TAFA1: variants seen among roughly 807,000 people sequenced by gnomAD.
TAFA1 encodes the protein TAFA chemokine like family member 1, also known as chemokine-like protein TAFA-1.
In TAFA1, 4 loss-of-function variants were observed where a neutral mutation model predicts 18.5. That is an observed-to-expected ratio of 0.22 (90% CI 0.11 to 0.49). The LOEUF (loss-of-function observed/expected upper bound fraction) is 0.49, where lower values mean the gene tolerates loss of function less well. Ranked by LOEUF, TAFA1 falls within the 20% of genes least tolerant of loss-of-function variation. The probability of loss-of-function intolerance (pLI) is 0.98; values close to 1 mark genes in which losing one functional copy is unlikely to be tolerated. For synonymous variants in TAFA1, 56 were observed against 55.2 expected (o/e 1.01, Z -0.06); for missense variants, 147 against 169.0 (o/e 0.87, Z 0.72).
intron 2 of TAFA1, among the ~76,000 whole-genome samples, chr3:68,131,520 C>T (rs979268615): frequency 6.6e-6 from 1 of 152,224 alleles, no homozygotes; most frequent in African/African-American, 2.4e-5. Flanking sequence ...CTTCTTCAAA[C>T]TGCTACTGTC....
intron 2 of TAFA1, among the ~76,000 whole-genome samples, chr3:68,294,971 C>A (rs79523466): frequency 3.6e-4 from 55 of 152,262 alleles, no homozygotes; most frequent in African/African-American, 1.3e-3. Context: ...TAGGCAGCAC[C>A]GGTTCACAGG....
intron 2 of TAFA1, among the ~76,000 whole-genome samples, chr3:68,376,050 T>G (rs1421925965): frequency 6.6e-6 from 1 of 152,188 alleles, no homozygotes; most frequent in Non-Finnish European, 1.5e-5. Flanking sequence ...TTGTTTGTCT[T>G]TGCACTAGTA....
chr3:68,107,023 G>T (rs2106828529), intron 2 of TAFA1, among the ~76,000 whole-genome samples: 1 of 152,222 alleles, frequency 6.6e-6, no homozygotes, highest in Middle Eastern at 3.4e-3. Flanking sequence ...CAGTTTGGCA[G>T]TTTCTTATAA....
intron 3 of TAFA1, among the ~76,000 whole-genome samples, chr3:68,495,271 T>G (rs2072524573): frequency 6.6e-6 from 1 of 152,194 alleles, no homozygotes; most frequent in Admixed American, 6.5e-5. Flanking sequence ...TTTAATTAAA[T>G]ATTATATAAA....
chr3:68,528,985 A>G (rs2073147464), intron 3 of TAFA1, among the ~76,000 whole-genome samples: 1 of 151,898 alleles, frequency 6.6e-6, no homozygotes, highest in Admixed American at 6.6e-5. Context: ...TTCTCATGTA[A>G]TCCTCACAAC....
chr3:68,453,170 T>C (rs1351029149), intron 3 of TAFA1, among the ~76,000 whole-genome samples: 1 of 152,218 alleles, frequency 6.6e-6, no homozygotes, highest in African/African-American at 2.4e-5. Context: ...TTTTTAAGAA[T>C]GATGGGGTTT....
At chr3:68,329,650 C>G (rs1057349406) in intron 2 of TAFA1, among the ~76,000 whole-genome samples, 1 of 152,116 alleles carries the variant, frequency 6.6e-6, no homozygotes, top group Non-Finnish European at 1.5e-5. Flanking sequence ...TGACCATTGG[C>G]TTTCTACAAG....
chr3:68,485,759 C>G (rs1026288194), intron 3 of TAFA1, among the ~76,000 whole-genome samples: 8 of 152,174 alleles, frequency 5.3e-5, no homozygotes, highest in Non-Finnish European at 1.2e-4. Context: ...GCACCTTGAA[C>G]TATAATTTCT....
At chr3:68,513,073 G>A (rs887798513) in intron 3 of TAFA1, among the ~76,000 whole-genome samples, 4 of 152,084 alleles carry the variant, frequency 2.6e-5, no homozygotes, top group African/African-American at 9.7e-5. Flanking sequence ...ATTATCTGGA[G>A]TTCTCACCAA....
chr3:68,205,817 T>C (rs939472414), intron 2 of TAFA1, among the ~76,000 whole-genome samples: 3 of 151,814 alleles, frequency 2.0e-5, no homozygotes, highest in African/African-American at 7.2e-5. Flanking sequence ...TGAAAATATA[T>C]TAGGTAGCAA....
At chr3:68,455,748 A>T (rs997565469) in intron 3 of TAFA1, among the ~76,000 whole-genome samples, 3 of 152,114 alleles carry the variant, frequency 2.0e-5, no homozygotes, top group Non-Finnish European at 4.4e-5. Flanking sequence ...ATCTGGATAC[A>T]TTATACATTC....
chr3:68,483,951 G>A (rs1327098216), intron 3 of TAFA1, among the ~76,000 whole-genome samples: 1 of 152,188 alleles, frequency 6.6e-6, no homozygotes, highest in Non-Finnish European at 1.5e-5. Context: ...TTTTAAGCTA[G>A]GGAGAAACAC....
intron 3 of TAFA1, among the ~76,000 whole-genome samples, chr3:68,447,133 T>C (rs2071483926): frequency 6.6e-6 from 1 of 152,198 alleles, no homozygotes; most frequent in Non-Finnish European, 1.5e-5. Context: ...AAAAGTGAGC[T>C]AGCATTTGTT....
chr3:68,424,280 G>A (rs1420793762), intron 3 of TAFA1, among the ~76,000 whole-genome samples: 3 of 151,884 alleles, frequency 2.0e-5, no homozygotes, highest in Non-Finnish European at 4.4e-5. Context: ...AGACAGACCA[G>A]ACAGTGAGAG....
chr3:68,320,335 C>T (rs1015760022), intron 2 of TAFA1, among the ~76,000 whole-genome samples: 1 of 152,172 alleles, frequency 6.6e-6, no homozygotes, highest in Non-Finnish European at 1.5e-5. Flanking sequence ...CAGATATACT[C>T]ATCATCATTG....
At chr3:68,339,262 A>T (rs996581901) in intron 2 of TAFA1, among the ~76,000 whole-genome samples, 8 of 152,072 alleles carry the variant, frequency 5.3e-5, no homozygotes, top group Non-Finnish European at 7.4e-5. Flanking sequence ...AAAGAACTGA[A>T]TTTTTCTACA....
intron 3 of TAFA1, among the ~76,000 whole-genome samples, chr3:68,466,455 A>T (rs1160151188): frequency 6.6e-6 from 1 of 152,114 alleles, no homozygotes; most frequent in Non-Finnish European, 1.5e-5. Context: ...AATTATAGCA[A>T]TACTAAAATG....
chr3:68,450,516 G>A (rs2071552968), intron 3 of TAFA1, among the ~76,000 whole-genome samples: 1 of 152,170 alleles, frequency 6.6e-6, no homozygotes, highest in Admixed American at 6.5e-5. Context: ...AATGGCTCAT[G>A]GGCAGGTGCC....
At chr3:68,038,394 G>A (rs1018532650) in intron 2 of TAFA1, among the ~76,000 whole-genome samples, 19 of 152,292 alleles carry the variant, frequency 1.2e-4, no homozygotes, top group African/African-American at 4.6e-4. Context: ...CAGGAATTCT[G>A]TATCGAGGTC....
Sources: gnomAD v4.1 joint callset for allele counts (sites outside exome capture counted in the v4.1 genomes callset) on GRCh38, gnomAD v4.1.1 for gene constraint, MANE v1.5 for transcripts, NCBI Gene and HGNC (gene_info 2026-07-23, HGNC 2026-07-21) for gene names.